Variants in YTHDC2 observed in about 807,000 individuals in gnomAD.
YTHDC2 encodes the protein YTH N6-methyladenosine RNA binding protein C2.
A neutral mutation model predicts 174.9 loss-of-function variants in YTHDC2; 45 were observed. The ratio of observed to expected loss-of-function variants is 0.26; its 90% CI spans 0.20 to 0.33. YTHDC2 has a LOEUF of 0.33. Ranked by LOEUF, YTHDC2 falls within the 10% of genes least tolerant of loss-of-function variation. The probability of loss-of-function intolerance (pLI) is 1.00; values close to 1 mark genes in which losing one functional copy is unlikely to be tolerated. For synonymous variants in YTHDC2, 657 were observed against 574.5 expected (o/e 1.14, Z -2.05); for missense variants, 1,650 against 1,723.7 (o/e 0.96, Z 0.76).
At chr5:113,561,891 A>G (rs937395135) in intron 18 of YTHDC2, among the ~76,000 whole-genome samples, 2 of 151,740 alleles carry the variant, frequency 1.3e-5, no homozygotes, top group Non-Finnish European at 2.9e-5. Context: ...TCACTATAAG[A>G]TGCTGAGATT....
At chr5:113,539,819 C>T (rs1191272298) in intron 8 of YTHDC2, among the ~76,000 whole-genome samples, 1 of 151,964 alleles carries the variant, frequency 6.6e-6, no homozygotes. Context: ...ATGTAATCAG[C>T]AATGCTGATT....
chr5:113,567,405 T>TAG, intron 22 of YTHDC2, 108 bp downstream of exon 22: 1 of 95,272 alleles, frequency 1.0e-5, no homozygotes, highest in Non-Finnish European at 1.6e-5. Flanking sequence ...ATTAATTAGT[T>TAG]ATATATATAT....
In YTHDC2 at chr5:113,514,077, A is replaced by AGAGAGGTGAGGTTCCGGG; in HGVS notation, c.187+12_187+13insGGAGAGGTGAGGTTCCGG. ...CTGGAGCGCTTCCGATACGGGGACC[A>AGAGAGGTGAGGTTCCGGG]GAGAGGTGAGGTTCCGGACAGGGAC... On this transcript the variant is annotated inframe_insertion, in exon 1 of 30. Coordinates refer to ENST00000161863, the MANE Select transcript of YTHDC2 (RefSeq NM_022828.5). 1 of 1,611,518 alleles carries AGAGAGGTGAGGTTCCGGG rather than the reference A, an allele frequency of 6.2e-7. No homozygotes were observed. The highest frequency in any genetic ancestry group is 8.5e-7 in the Non-Finnish European group (1 of 1,179,042).
chr5:113,543,394 C>T (rs1424225398), intron 10 of YTHDC2, among the ~76,000 whole-genome samples: 1 of 152,148 alleles, frequency 6.6e-6, no homozygotes, highest in African/African-American at 2.4e-5. Context: ...AATTCATTAG[C>T]AAATCCTATT....
intron 23 of YTHDC2, among the ~76,000 whole-genome samples, chr5:113,569,626 T>C (rs1399026318): frequency 1.3e-5 from 2 of 152,196 alleles, no homozygotes; most frequent in Non-Finnish European, 2.9e-5. Context: ...CTTGTTTTTG[T>C]CAGGTTTGTT....
At chr5:113,534,446 T>G in intron 6 of YTHDC2, 39 bp downstream of exon 6, 1 of 1,557,330 alleles carries the variant, frequency 6.4e-7, no homozygotes, top group Non-Finnish European at 8.8e-7. Flanking sequence ...TAACTCAGAT[T>G]GCTTAAAATT....
rs374388034 is a variant in YTHDC2 at position 113,540,782 on chromosome 5, C to T, written c.1211-186C>T. 8.7e-4 allele frequency among the ~76,000 whole-genome samples: 132 copies of T among 152,230 alleles called. 4 individuals carry two copies. Among genetic ancestry groups the T allele is most frequent in the African/African-American group, 3.0e-3 (124 of 41,508 alleles). ...TATCAATGAAGTTTTCAAGCAGTTT[C>T]ATGTGTCTTTTTGTTTCAGCATAAC... On this transcript the variant is annotated intron_variant, in intron 8 of 29. Transcript: ENST00000161863.
intron 23 of YTHDC2, among the ~76,000 whole-genome samples, chr5:113,569,106 G>A (rs548099420): frequency 1.3e-5 from 2 of 152,188 alleles, no homozygotes; most frequent in South Asian, 2.1e-4. Context: ...GATCAGTGAC[G>A]TTGAGCTTTT....
intron 12 of YTHDC2, 100 bp from the exon 13 acceptor site, chr5:113,553,081 T>C (rs1217322757): frequency 5.2e-6 from 6 of 1,161,144 alleles, no homozygotes; most frequent in Non-Finnish European, 4.6e-6. Context: ...AAGTGTCACT[T>C]ACCTTACCTT....
intron 23 of YTHDC2, among the ~76,000 whole-genome samples, chr5:113,570,809 C>G (rs751380863): frequency 6.6e-6 from 1 of 151,384 alleles, no homozygotes; most frequent in African/African-American, 2.5e-5. Flanking sequence ...TGCCACCATA[C>G]TCCACTAATT....
At chr5:113,542,645 C>A in intron 10 of YTHDC2, 142 bp downstream of exon 10, 1 of 678,488 alleles carries the variant, frequency 1.5e-6, no homozygotes, top group Non-Finnish European at 2.3e-6. Context: ...TTCAAATGTA[C>A]AAATCAGGAT....
At chr5:113,545,402 G>GTTTTT in intron 10 of YTHDC2, among the ~76,000 whole-genome samples, 1 of 138,890 alleles carries the variant, frequency 7.2e-6, no homozygotes, top group Admixed American at 7.5e-5. Flanking sequence ...GTTTTGTTTT[G>GTTTTT]AAACAGGGTC....
At chr5:113,568,564 CCT>C (rs1327622224) in intron 23 of YTHDC2, among the ~76,000 whole-genome samples, 1 of 152,132 alleles carries the variant, frequency 6.6e-6, no homozygotes, top group African/African-American at 2.4e-5. Context: ...GTGTTGTTCC[CCT>C]GTCTGTGTCC....
chr5:113,587,902 C>G (rs1298346825), intron 26 of YTHDC2, among the ~76,000 whole-genome samples: 1 of 151,856 alleles, frequency 6.6e-6, no homozygotes, highest in Non-Finnish European at 1.5e-5. Flanking sequence ...CATAGTATAT[C>G]TGTTCATTAT....
At chr5:113,554,331 AG>A (rs762884068) in intron 16 of YTHDC2, among the ~76,000 whole-genome samples, 1 of 152,094 alleles carries the variant, frequency 6.6e-6, no homozygotes, top group Non-Finnish European at 1.5e-5. Flanking sequence ...AAGAAAGTAA[AG>A]GGTTTGGTTA....
Position 113,553,927 on chromosome 5 carries a change from A to T in YTHDC2, c.2053-15A>T. The stretch of plus-strand genomic sequence containing the variant: ...TCTGTTTTTTTATTAACTTTAAAGT[A>T]ATATCTTGTTGCAGATTCTTTCCAC... On this transcript the variant is annotated splice_polypyrimidine_tract_variant and intron_variant, in intron 15 of 29. Transcript: ENST00000161863. The T allele has an allele frequency of 6.3e-7, 1 of 1,582,484 alleles. No individual in the cohort carries two copies. The highest frequency in any genetic ancestry group is 8.6e-7 in the Non-Finnish European group (1 of 1,169,346).
chr5:113,517,143 T>G (rs573658678), intron 2 of YTHDC2, among the ~76,000 whole-genome samples: 1 of 152,332 alleles, frequency 6.6e-6, no homozygotes, highest in South Asian at 2.1e-4. Context: ...GCCATCACCT[T>G]TAGTCACATT....
chr5:113,529,075 G>C (rs1165239974), intron 4 of YTHDC2, among the ~76,000 whole-genome samples: 1 of 151,836 alleles, frequency 6.6e-6, no homozygotes, highest in African/African-American at 2.4e-5. Flanking sequence ...AGTGCCTATA[G>C]ATATGCCTCA....
At chr5:113,570,101 T>C (rs1247577599) in intron 23 of YTHDC2, among the ~76,000 whole-genome samples, 2 of 152,090 alleles carry the variant, frequency 1.3e-5, no homozygotes, top group Non-Finnish European at 2.9e-5. Flanking sequence ...TATTTTATTT[T>C]ATTTCATTTT....
Sources: gnomAD v4.1 joint callset for allele counts (sites outside exome capture counted in the v4.1 genomes callset) on GRCh38, gnomAD v4.1.1 for gene constraint, MANE v1.5 for transcripts, NCBI Gene and HGNC (gene_info 2026-07-23, HGNC 2026-07-21) for gene names.